Variants in CTNNA2 observed in about 807,000 individuals in gnomAD.
The protein encoded by CTNNA2 is catenin alpha-2.
In CTNNA2, 42 loss-of-function variants were observed where a neutral mutation model predicts 101.0. The ratio of observed to expected loss-of-function variants is 0.42; its 90% CI spans 0.32 to 0.54. CTNNA2 has a LOEUF of 0.54. CTNNA2 is among the 20% of genes least tolerant of loss of function. The pLI, the probability that CTNNA2 is intolerant of heterozygous loss-of-function variation, is 0.14. For missense variants in CTNNA2, 871 were observed against 1,223.1 expected (o/e 0.71, Z 4.29); for synonymous variants, 450 against 456.4 (o/e 0.99, Z 0.18).
chr2:80,300,625 T>A (rs76343437), intron 7 of CTNNA2, among the ~76,000 whole-genome samples: 5 of 151,490 alleles, frequency 3.3e-5, no homozygotes, highest in South Asian at 2.1e-4. Context: ...CTTCTCTCTC[T>A]CAAAAAAAAG....
intron 1 of CTNNA2, among the ~76,000 whole-genome samples, chr2:79,523,565 C>T (rs1486689962): frequency 5.3e-5 from 8 of 151,982 alleles, no homozygotes; most frequent in Non-Finnish European, 1.0e-4. Flanking sequence ...GATGAACATC[C>T]TTATACAGGT....
intron 3 of CTNNA2, among the ~76,000 whole-genome samples, chr2:79,790,209 G>C (rs924254731): frequency 3.9e-5 from 6 of 152,114 alleles, no homozygotes; most frequent in South Asian, 2.1e-4. Context: ...TGAAACGCTG[G>C]GGAAGAGGAA....
intron 7 of CTNNA2, among the ~76,000 whole-genome samples, chr2:80,260,527 A>C (rs1240350002): frequency 1.3e-5 from 2 of 152,172 alleles, no homozygotes; most frequent in African/African-American, 4.8e-5. Context: ...ATTTGCACAA[A>C]TTGAAGGAAC....
chr2:79,691,509 A>G lies in CTNNA2; in HGVS notation c.102+39851A>G, dbSNP rs188082670. On this transcript the variant is annotated intron_variant, in intron 2 of 18. Transcript: ENST00000402739. Reference sequence around the variant, plus strand: ...TTTCAGACTATATTGAAAAACAATTAGAAAAAAAAAACTACTTTAAAATTC... The same window carrying G: ...TTTCAGACTATATTGAAAAACAATTGGAAAAAAAAAACTACTTTAAAATTC... 1.3e-3 allele frequency among the ~76,000 whole-genome samples: 196 copies of G among 151,240 alleles called. 1 individual carries two copies. The highest frequency in any genetic ancestry group is 3.4e-3 in the Middle Eastern group (1 of 294).
chr2:79,948,011 A>G (rs1460410880), intron 7 of CTNNA2, among the ~76,000 whole-genome samples: 1 of 152,216 alleles, frequency 6.6e-6, no homozygotes, highest in Non-Finnish European at 1.5e-5. Context: ...CCTGCAAGAA[A>G]GGTCTGGCTA....
intron 7 of CTNNA2, chr2:80,028,177 G>A (rs1036555083): frequency 4.6e-5 from 7 of 152,098 alleles, no homozygotes; most frequent in African/African-American, 1.7e-4. Context: ...CCACTGATGA[G>A]AGCTTAAGCA....
At chr2:79,487,538 A>G (rs1423378064) in intron 4 of CTNNA2, among the ~76,000 whole-genome samples, 1 of 152,176 alleles carries the variant, frequency 6.6e-6, no homozygotes, top group African/African-American at 2.4e-5. Context: ...GAACCCAGAT[A>G]GCACGCTGGG....
chr2:79,995,470 C>T (rs1172865772), intron 7 of CTNNA2, among the ~76,000 whole-genome samples: 3 of 152,088 alleles, frequency 2.0e-5, no homozygotes, highest in Admixed American at 6.5e-5. Flanking sequence ...AGATTATCTA[C>T]ACAGAAGAAT....
At chr2:80,261,016 C>A (rs1029331596) in intron 7 of CTNNA2, among the ~76,000 whole-genome samples, 1 of 152,178 alleles carries the variant, frequency 6.6e-6, no homozygotes, top group African/African-American at 2.4e-5. Flanking sequence ...CACCTAAGTA[C>A]CTGGTGGCAC....
At chr2:80,345,858 T>TG (rs1197043855) in intron 7 of CTNNA2, among the ~76,000 whole-genome samples, 1 of 152,204 alleles carries the variant, frequency 6.6e-6, no homozygotes, top group Non-Finnish European at 1.5e-5. Flanking sequence ...CAAGAACTCC[T>TG]GTTTAATCAT....
At chr2:80,322,513 C>T (rs1176954706) in intron 7 of CTNNA2, among the ~76,000 whole-genome samples, 1 of 151,796 alleles carries the variant, frequency 6.6e-6, no homozygotes, top group Non-Finnish European at 1.5e-5. Flanking sequence ...CGGCTACGCT[C>T]CCCGCGGGGC....
chr2:80,421,025 C>T (rs994237283), intron 9 of CTNNA2, among the ~76,000 whole-genome samples: 3 of 152,154 alleles, frequency 2.0e-5, no homozygotes, highest in African/African-American at 4.8e-5. Context: ...GGAGAGTTCA[C>T]TTAGCTATTT....
chr2:79,665,086 A>C (rs1205367207), intron 2 of CTNNA2, among the ~76,000 whole-genome samples: 1 of 151,040 alleles, frequency 6.6e-6, no homozygotes, highest in Admixed American at 6.6e-5. Flanking sequence ...CTTGATTTCC[A>C]CTCTCAATCC....
intron 9 of CTNNA2, among the ~76,000 whole-genome samples, chr2:80,479,461 C>A (rs1685980613): frequency 6.6e-6 from 1 of 152,042 alleles, no homozygotes; most frequent in African/African-American, 2.4e-5. Context: ...GGTTGACAAA[C>A]CCTATGGGGA....
chr2:80,573,362 A>G (rs1299114278), intron 12 of CTNNA2: 1 of 152,154 alleles, frequency 6.6e-6, no homozygotes, highest in Non-Finnish European at 1.5e-5. Flanking sequence ...AAGTGTCAGC[A>G]TTTTAGAAAT....
At chr2:79,255,528 A>G (rs985517524) in intron 2 of CTNNA2, among the ~76,000 whole-genome samples, 2 of 152,194 alleles carry the variant, frequency 1.3e-5, no homozygotes, top group Admixed American at 6.5e-5. Flanking sequence ...AGGCATGTGT[A>G]TATTGGGTAA....
intron 7 of CTNNA2, among the ~76,000 whole-genome samples, chr2:80,044,906 G>A (rs74549399): frequency 0.023 from 3,493 of 152,256 alleles, 142 homozygotes; most frequent in African/African-American, 0.079. Flanking sequence ...CTCCAATGGA[G>A]GGTTTCTGAC....
chr2:80,288,205 C>G (rs531795208), intron 7 of CTNNA2: 1 of 152,118 alleles, frequency 6.6e-6, no homozygotes, highest in Non-Finnish European at 1.5e-5. Context: ...TTGAAAACCT[C>G]CAAGCGATCA....
chr2:80,417,832 T>G (rs1341873606), intron 8 of CTNNA2, among the ~76,000 whole-genome samples: 2 of 152,140 alleles, frequency 1.3e-5, no homozygotes, highest in Non-Finnish European at 2.9e-5. Context: ...TTGGATGAGA[T>G]TTGGCCTTGA....
Sources: gnomAD v4.1 joint callset for allele counts (sites outside exome capture counted in the v4.1 genomes callset) on GRCh38, gnomAD v4.1.1 for gene constraint, MANE v1.5 for transcripts, NCBI Gene and HGNC (gene_info 2026-07-23, HGNC 2026-07-21) for gene names.